Variants in ZNF516 observed in about 807,000 individuals in gnomAD.
The protein encoded by ZNF516 is zinc finger protein 516.
A neutral mutation model predicts 79.7 loss-of-function variants in ZNF516; 19 were observed. That is an observed-to-expected ratio of 0.24 (90% CI 0.17 to 0.35). The LOEUF (loss-of-function observed/expected upper bound fraction) is 0.35. ZNF516 is among the 10% of genes least tolerant of loss of function. The probability of loss-of-function intolerance (pLI) is 1.00; values close to 1 mark genes in which losing one functional copy is unlikely to be tolerated. For missense variants in ZNF516, 1,678 were observed against 1,679.5 expected, an observed-to-expected ratio of 1.00 and a Z score of 0.02; for synonymous variants, 877 against 739.5, an observed-to-expected ratio of 1.19 and a Z score of -3.02.
chr18:76,392,768 G>T (rs867178140), intron 3 of ZNF516, among the ~76,000 whole-genome samples: 1 of 64,654 alleles, frequency 1.5e-5, no homozygotes, highest in Non-Finnish European at 2.8e-5. Context: ...CAGGTGACCA[G>T]GTGGGGGAAA....
In ZNF516 at chr18:76,442,369, G is replaced by A. The variant is rs1314208138; in HGVS notation, c.686C>T (p.Pro229Leu). 3.1e-6 allele frequency: 5 copies of A among 1,609,192 alleles called. No individual in the cohort carries two copies. Among genetic ancestry groups the A allele is most frequent in the Non-Finnish European group, 4.2e-6 (5 of 1,179,406 alleles). ...IERDHITAQGPGSGEACVENG... is the reference protein window; with the variant it reads ...IERDHITAQGLGSGEACVENG... ...CTCCACGCAGGCCTCGCCGCTGCCG[G>A]GCCCCTGCGCGGTGATGTGGTCCCT... Residue 229 changes from proline to leucine, a missense_variant, in exon 3 of 7, where the codon CCC becomes CTC. Physicochemically the swap from Pro to Leu is moderately conservative, Grantham distance 98. This residue lies in a region of ZNF516 where 279 missense variants were observed against 254.1 expected (regional missense o/e 1.10). Transcript: ENST00000443185.
chr18:76,484,444 A>T (rs575340205), intron 1 of ZNF516, among the ~76,000 whole-genome samples: 1 of 152,370 alleles, frequency 6.6e-6, no homozygotes, highest in South Asian at 2.1e-4. Context: ...CATTACACCA[A>T]GTCAATGTAA....
Position 76,418,068 on chromosome 18 carries a change from CCCA to C in ZNF516, c.1810+23174_1810+23176del, listed in dbSNP as rs561474882. ...TGTGGCAGCCCCACAACTGTGTTTC[CCCA>C]CCACATCCATTCACTGTCAACACAC... is the stretch of plus-strand genomic sequence containing the variant. On this transcript the variant is annotated intron_variant, in intron 3 of 6. Coordinates refer to ENST00000443185, the MANE Select transcript of ZNF516 (RefSeq NM_014643.4). Among the ~76,000 whole-genome samples, 14 of 152,264 alleles carry C rather than the reference CCCA, an allele frequency of 9.2e-5. No homozygotes were observed. The South Asian group carries it at 2.7e-3, about 29-fold the overall frequency.
At chr18:76,369,848 G>C (rs1405432150) in intron 6 of ZNF516, among the ~76,000 whole-genome samples, 2 of 152,182 alleles carry the variant, frequency 1.3e-5, no homozygotes, top group Non-Finnish European at 2.9e-5. Context: ...GGGCAAAATG[G>C]GAGAGCAATG....
chr18:76,441,995 T>C lies in ZNF516; in HGVS notation c.1060A>G (p.Asn354Asp). The C allele has an allele frequency of 6.2e-7, 1 of 1,613,428 alleles. No homozygotes were observed. Among genetic ancestry groups the C allele is most frequent in the Non-Finnish European group, 8.5e-7 (1 of 1,179,820 alleles). Residue 354 changes from asparagine to aspartate, a missense_variant, in exon 3 of 7, where the codon AAT (asparagine) becomes GAT (aspartate). By Grantham distance (23) the Asn-to-Asp change is conservative (BLOSUM62 1). Transcript: ENST00000443185. ...GCCTCGACTCTGCGGTGGATGGCATTGTGGGCGTTCAAGCTGTCCAGGTTT... is the reference window on the plus strand; with the variant it reads ...GCCTCGACTCTGCGGTGGATGGCATCGTGGGCGTTCAAGCTGTCCAGGTTT... ...FTNLDSLNAH[N>D]AIHRRVEASR...
rs988954110 is a variant in ZNF516, at chr18:76,441,360, G to A, written c.1695C>T (p.Ala565=). The A allele has an allele frequency of 5.6e-6, 9 of 1,611,402 alleles. No homozygotes were observed. Among genetic ancestry groups the A allele is most frequent in the Admixed American group, 5.0e-5 (3 of 59,956 alleles). Residue 565 remains alanine (A), a synonymous_variant, in exon 3 of 7, where the codon GCC becomes GCT. Transcript: ENST00000443185. ...RCGSLSEGDS[A]SQPSSPGSAC... Reference sequence around the variant, plus strand: ...CGGAGCCAGGGCTGCTGGGCTGGGAGGCCGAGTCACCCTCACTGAGTGATC... The same window carrying A: ...CGGAGCCAGGGCTGCTGGGCTGGGAAGCCGAGTCACCCTCACTGAGTGATC...
intron 2 of ZNF516, among the ~76,000 whole-genome samples, chr18:76,445,034 T>C (rs566768252): frequency 6.6e-6 from 1 of 152,210 alleles, no homozygotes; most frequent in East Asian, 1.9e-4. Flanking sequence ...AGCAGAGCCA[T>C]GCAACAGAGC....
intron 3 of ZNF516, among the ~76,000 whole-genome samples, chr18:76,410,218 G>A (rs2075358102): frequency 1.3e-5 from 2 of 152,232 alleles, no homozygotes; most frequent in South Asian, 4.1e-4. Context: ...CAAGGACAGG[G>A]AAGTATGAGG....
intron 1 of ZNF516, among the ~76,000 whole-genome samples, chr18:76,473,597 G>A (rs373097185): frequency 6.6e-6 from 1 of 151,960 alleles, no homozygotes; most frequent in South Asian, 2.1e-4. Context: ...GTCAGGAGAT[G>A]GAGACCATCC....
At chr18:76,465,150 C>CA (rs1411803923) in intron 1 of ZNF516, among the ~76,000 whole-genome samples, 13 of 152,252 alleles carry the variant, frequency 8.5e-5, no homozygotes, top group Admixed American at 1.3e-4. Context: ...ATCGTGTCTT[C>CA]AACATGTGTC....
intron 4 of ZNF516, 40 bp from the exon 5 acceptor site, chr18:76,371,611 G>A (rs764295980): frequency 6.4e-7 from 1 of 1,564,688 alleles, no homozygotes; most frequent in South Asian, 1.1e-5. Flanking sequence ...GGCCGTGGTG[G>A]GGTTGGCGTG....
chr18:76,480,788 C>A (rs188269001), intron 1 of ZNF516, among the ~76,000 whole-genome samples: 3 of 152,294 alleles, frequency 2.0e-5, no homozygotes, highest in African/African-American at 7.2e-5. Flanking sequence ...TCCCAAAATG[C>A]TGGGATTACA....
rs748236450 is a variant in ZNF516 at position 76,370,581 on chromosome 18, C to T, written c.3379G>A (p.Asp1127Asn). The T allele has an allele frequency of 1.9e-6, 3 of 1,603,550 alleles. No homozygotes were observed. Among genetic ancestry groups the T allele is most frequent in the Non-Finnish European group, 2.6e-6 (3 of 1,174,664 alleles). The change falls in exon 6 of 7, where the codon GAT (aspartate) becomes AAT (asparagine). Residue 1127 changes from aspartate to asparagine, a missense_variant. Physicochemically the swap from Asp to Asn is conservative, Grantham distance 23. This residue lies in a region of ZNF516 where 1,294 missense variants were observed against 1,248.3 expected (regional missense o/e 1.04). Coordinates refer to ENST00000443185, the MANE Select transcript of ZNF516 (RefSeq NM_014643.4). Reference protein sequence around the residue: ...MRAHSVVFESDGPRGSEVHTT... With the variant: ...MRAHSVVFESNGPRGSEVHTT... The stretch of plus-strand genomic sequence containing the variant: ...TGAACTTCAGAACCCCGAGGCCCAT[C>T]GGACTCAAACACCACTGTGGGAACA...
intron 3 of ZNF516, among the ~76,000 whole-genome samples, chr18:76,429,692 C>A (rs2075638668): frequency 1.3e-5 from 2 of 152,146 alleles, no homozygotes; most frequent in Non-Finnish European, 2.9e-5. Flanking sequence ...CAGCAGCATC[C>A]CCCAAATCAA....
At position 76,459,015 on chromosome 18, in the gene ZNF516, A is replaced by C. The variant is rs1187165164; in HGVS notation, c.-158+4013T>G. Among the ~76,000 whole-genome samples, 1 of 152,152 alleles carries C rather than the reference A, an allele frequency of 6.6e-6. No individual in the cohort carries two copies. The highest frequency in any genetic ancestry group is 1.5e-5 in the Non-Finnish European group (1 of 68,010). On this transcript the variant is annotated intron_variant, in intron 2 of 6. Coordinates refer to ENST00000443185, the MANE Select transcript of ZNF516 (RefSeq NM_014643.4). The surrounding 1 kb of genome is among the most constrained non-coding windows in gnomAD (Gnocchi z 5.0). ...CCGAGGGTGTGTGTGTGTGTCTGAG[A>C]GAGCACATGTGTGTGATCTCTTAAC...
intron 3 of ZNF516, among the ~76,000 whole-genome samples, chr18:76,408,414 C>T (rs1314998238): frequency 7.9e-5 from 12 of 152,068 alleles, no homozygotes; most frequent in Admixed American, 3.3e-4. Flanking sequence ...GAGTTCCAGC[C>T]GGGGTGAAAC....
At position 76,442,372 on chromosome 18, in the gene ZNF516, C is replaced by A; in HGVS notation, c.683G>T (p.Gly228Val). Reference sequence around the variant, plus strand: ...CACGCAGGCCTCGCCGCTGCCGGGCCCCTGCGCGGTGATGTGGTCCCTCTC... The same window carrying A: ...CACGCAGGCCTCGCCGCTGCCGGGCACCTGCGCGGTGATGTGGTCCCTCTC... ...HIERDHITAQ[G>V]PGSGEACVEN... Residue 228 changes from glycine (G) to valine (V), a missense_variant, in exon 3 of 7, where the codon GGG (glycine) becomes GTG (valine). Coordinates refer to ENST00000443185, the MANE Select transcript of ZNF516 (RefSeq NM_014643.4). The A allele has an allele frequency of 6.2e-7, 1 of 1,609,234 alleles. No individual in the cohort carries two copies. The highest frequency in any genetic ancestry group is 8.5e-7 in the Non-Finnish European group (1 of 1,179,438).
intron 3 of ZNF516, among the ~76,000 whole-genome samples, chr18:76,439,461 T>C (rs543670707): frequency 1.3e-5 from 2 of 152,378 alleles, no homozygotes; most frequent in South Asian, 4.1e-4. Flanking sequence ...TCAACTATGA[T>C]ACATGTCTTG....
chr18:76,441,987 G>T lies in ZNF516; in HGVS notation c.1068C>A (p.Ile356=). The T allele has an allele frequency of 6.2e-7, 1 of 1,613,296 alleles. No individual in the cohort carries two copies. The highest frequency in any genetic ancestry group is 1.1e-5 in the South Asian group (1 of 91,078). ...NLDSLNAHNA[I]HRRVEASRTR... ...TGCGGCTGGCCTCGACTCTGCGGTG[G>T]ATGGCATTGTGGGCGTTCAAGCTGT... is the stretch of plus-strand genomic sequence containing the variant. Residue 356 remains isoleucine, a synonymous_variant, in exon 3 of 7, where the codon ATC becomes ATA. Coordinates refer to ENST00000443185, the MANE Select transcript of ZNF516 (RefSeq NM_014643.4).
Sources: allele counts gnomAD v4.1 joint callset (sites outside exome capture counted in the v4.1 genomes callset), GRCh38; gene constraint gnomAD v4.1.1; regional missense constraint gnomAD v4.1.1; non-coding constraint Gnocchi (gnomAD v3.1); transcripts MANE v1.5; gene names NCBI Gene and HGNC (gene_info 2026-07-23, HGNC 2026-07-21).